The following LRMDA variants were observed in gnomAD, a reference collection of about 807,000 sequenced individuals.
LRMDA encodes the protein leucine-rich melanocyte differentiation-associated protein.
In LRMDA, 18 loss-of-function variants were observed where a neutral mutation model predicts 29.8. The ratio of observed to expected loss-of-function variants is 0.60; its 90% CI spans 0.42 to 0.90. LRMDA has a LOEUF of 0.90. Ranked by LOEUF, LRMDA falls within the 40% of genes least tolerant of loss-of-function variation. The probability of loss-of-function intolerance (pLI) is 0.00; values close to 1 mark genes in which losing one functional copy is unlikely to be tolerated. For synonymous variants in LRMDA, 125 were observed against 109.4 expected (o/e 1.14, Z -0.89); for missense variants, 273 against 273.9 (o/e 1.00, Z 0.02).
intron 5 of LRMDA, among the ~76,000 whole-genome samples, chr10:76,114,727 T>C (rs975538356): frequency 6.6e-6 from 1 of 152,186 alleles, no homozygotes; most frequent in Admixed American, 6.5e-5. Context: ...TAGATGTTGA[T>C]AAAATATTTG....
intron 2 of LRMDA, among the ~76,000 whole-genome samples, chr10:75,513,517 G>A (rs1434337443): frequency 6.6e-6 from 1 of 152,188 alleles, no homozygotes; most frequent in Non-Finnish European, 1.5e-5. Context: ...CACAAACTCA[G>A]TGGCTTAAAA....
At chr10:75,508,913 G>A (rs1340479959) in intron 2 of LRMDA, among the ~76,000 whole-genome samples, 2 of 152,148 alleles carry the variant, frequency 1.3e-5, no homozygotes, top group Non-Finnish European at 2.9e-5. Context: ...TGTCTTTATG[G>A]TGTTTTTTCA....
intron 2 of LRMDA, among the ~76,000 whole-genome samples, chr10:75,540,972 G>C (rs1240037820): frequency 6.6e-6 from 1 of 150,966 alleles, no homozygotes; most frequent in Non-Finnish European, 1.5e-5. Context: ...AACAAGTTTT[G>C]TTGTTTTTTT....
chr10:75,875,581 C>T (rs937722681), intron 2 of LRMDA, among the ~76,000 whole-genome samples: 13 of 152,168 alleles, frequency 8.5e-5, no homozygotes, highest in African/African-American at 2.6e-4. Flanking sequence ...TACAGGCATG[C>T]GCCACCATGC....
intron 6 of LRMDA, among the ~76,000 whole-genome samples, chr10:76,391,622 A>G (rs946620262): frequency 5.3e-5 from 8 of 152,148 alleles, no homozygotes; most frequent in Non-Finnish European, 1.0e-4. Context: ...GTTTAGGCTA[A>G]TTTTTGGTAG....
chr10:76,463,673 A>G (rs898639313), intron 6 of LRMDA, among the ~76,000 whole-genome samples: 6 of 152,160 alleles, frequency 3.9e-5, no homozygotes, highest in Non-Finnish European at 7.4e-5. Context: ...CTTTAAAGAA[A>G]CAGAACTGAG....
At position 76,280,819 on chromosome 10, in the gene LRMDA, A is replaced by C. The variant is rs117170447; in HGVS notation, c.517-43582A>C. On this transcript the variant is annotated intron_variant, in intron 5 of 6. Coordinates refer to ENST00000611255, the MANE Select transcript of LRMDA (RefSeq NM_001305581.2). The stretch of plus-strand genomic sequence containing the variant: ...CTTTTCTAGGGAATGTGCCTTAAAA[A>C]AAAAGGTACTGGACTGTGTGCTGAG... Among the ~76,000 whole-genome samples, 518 of 152,260 alleles carry C rather than the reference A, an allele frequency of 3.4e-3. 26 individuals are homozygous for C. In the East Asian group the frequency reaches 0.077, roughly 23 times the overall value.
intron 2 of LRMDA, among the ~76,000 whole-genome samples, chr10:75,640,671 G>A (rs933861045): frequency 5.3e-5 from 8 of 152,164 alleles, no homozygotes; most frequent in African/African-American, 1.2e-4. Context: ...TTCCCATAGC[G>A]GTCAGGCTGG....
At position 75,557,458 on chromosome 10, in the gene LRMDA, G is replaced by C. The variant is rs369578326; in HGVS notation, c.131+118964G>C. On this transcript the variant is annotated intron_variant, in intron 2 of 6. Coordinates refer to ENST00000611255, the MANE Select transcript of LRMDA (RefSeq NM_001305581.2). The stretch of plus-strand genomic sequence containing the variant: ...TTTTCAGGGAGGTTAAAATGGCTGT[G>C]TAACTGCTTTGGGATTTTGGGAGGC... Among the ~76,000 whole-genome samples, 17 of 152,268 alleles carry C rather than the reference G, an allele frequency of 1.1e-4. 1 individual carries two copies. In the East Asian group the frequency reaches 3.3e-3, roughly 29 times the overall value.
Position 76,550,476 on chromosome 10 carries a change from C to T in LRMDA, c.602-6733C>T, listed in dbSNP as rs1433550822. ...AAGGACAGTGTGCAGTATCCCCGCC[C>T]CCAACCCCCCACCCCCGGCCCCCAT... On this transcript the variant is annotated intron_variant, in intron 6 of 6. Coordinates refer to ENST00000611255, the MANE Select transcript of LRMDA (RefSeq NM_001305581.2). Among the ~76,000 whole-genome samples, 6 of 138,436 alleles carry T rather than the reference C, an allele frequency of 4.3e-5. 1 individual carries two copies. The East Asian group carries it at 1.3e-3, about 29-fold the overall frequency. 90.8% of individuals were successfully genotyped at this position (138,436 alleles called of 152,430 possible). A position where few individuals can be genotyped will look rare whatever the true frequency, so the allele number is the denominator to read the frequency against.
At chr10:75,604,949 T>G (rs1386754516) in intron 2 of LRMDA, among the ~76,000 whole-genome samples, 3 of 152,238 alleles carry the variant, frequency 2.0e-5, no homozygotes, top group African/African-American at 2.4e-5. Context: ...CACCGCAGTC[T>G]GTGTATGCCC....
At chr10:76,287,265 C>T (rs891563967) in intron 5 of LRMDA, among the ~76,000 whole-genome samples, 3 of 152,024 alleles carry the variant, frequency 2.0e-5, no homozygotes, top group Non-Finnish European at 4.4e-5. Context: ...TATCTTTATT[C>T]ATGTAATCTT....
intron 2 of LRMDA, among the ~76,000 whole-genome samples, chr10:75,868,293 C>G (rs550088041): frequency 2.4e-4 from 37 of 152,158 alleles, no homozygotes; most frequent in African/African-American, 8.9e-4. Context: ...ACACCAATCC[C>G]CCATTAACAC....
At chr10:76,300,640 ACT>A (rs1292425642) in intron 5 of LRMDA, among the ~76,000 whole-genome samples, 1 of 151,628 alleles carries the variant, frequency 6.6e-6, no homozygotes, top group East Asian at 1.9e-4. Flanking sequence ...TTTTGTTTGG[ACT>A]CTCTTCTATG....
chr10:75,496,011 A>T (rs1845041040), intron 2 of LRMDA, among the ~76,000 whole-genome samples: 1 of 152,220 alleles, frequency 6.6e-6, no homozygotes, highest in Admixed American at 6.5e-5. Flanking sequence ...CAAATCAGGA[A>T]TTGGGACGTG....
At chr10:76,191,444 T>C (rs369287464) in intron 5 of LRMDA, among the ~76,000 whole-genome samples, 11 of 152,308 alleles carry the variant, frequency 7.2e-5, no homozygotes, top group African/African-American at 2.4e-4. Context: ...CTTCATTCCT[T>C]CTAACCTTTC....
In LRMDA at chr10:75,719,688, T is replaced by C. The variant is rs1842542711; in HGVS notation, c.131+281194T>C. 1.3e-5 allele frequency among the ~76,000 whole-genome samples: 2 copies of C among 152,200 alleles called. 1 individual carries two copies. Among genetic ancestry groups the C allele is most frequent in the South Asian group, 4.1e-4 (2 of 4,830 alleles). On this transcript the variant is annotated intron_variant, in intron 2 of 6. Transcript: ENST00000611255. ...TAGGGTTTGCACAGCATTGTGGGAT[T>C]GTGGGCTGAGGTAATGAAGTGTTCC...
At chr10:76,417,525 C>T (rs987425975) in intron 6 of LRMDA, among the ~76,000 whole-genome samples, 1 of 151,290 alleles carries the variant, frequency 6.6e-6, no homozygotes, top group Non-Finnish European at 1.5e-5. Flanking sequence ...TCTCTCATAT[C>T]GCACCCTAGG....
chr10:75,928,761 G>T (rs114946947), intron 2 of LRMDA, among the ~76,000 whole-genome samples: 1,607 of 152,232 alleles, frequency 0.011, 26 homozygotes, highest in African/African-American at 0.034. Flanking sequence ...TGGGTGGCAT[G>T]CTCCATAACC....
Sources: gnomAD v4.1 joint callset for allele counts (sites outside exome capture counted in the v4.1 genomes callset) on GRCh38, gnomAD v4.1.1 for gene constraint, MANE v1.5 for transcripts, NCBI Gene and HGNC (gene_info 2026-07-23, HGNC 2026-07-21) for gene names.